GNAZ: variants seen among roughly 807,000 people sequenced by gnomAD.
GNAZ encodes the protein G protein subunit alpha z.
Under a neutral mutation model 25.4 loss-of-function variants are expected in GNAZ, and 3 were observed. That is an observed-to-expected ratio of 0.12 (90% CI 0.05 to 0.30). The LOEUF (loss-of-function observed/expected upper bound fraction) is 0.30, where lower values mean the gene tolerates loss of function less well. GNAZ is among the 10% of genes least tolerant of loss of function. The pLI is 1.00. For synonymous variants in GNAZ, 211 were observed against 205.7 expected, an observed-to-expected ratio of 1.03 and a Z score of -0.22; for missense variants, 241 against 501.8, an observed-to-expected ratio of 0.48 and a Z score of 4.97.
rs1343051553 is a variant in GNAZ, at chr22:23,123,468, C to A, written c.*37C>A. Reference sequence around the variant, plus strand: ...CGGGGCCCGCCTGCCTATGGTGAAACCCACGGGGTGTCATGCCCCAACGCG... The same window carrying A: ...CGGGGCCCGCCTGCCTATGGTGAAAACCACGGGGTGTCATGCCCCAACGCG... On this transcript the variant is annotated 3_prime_UTR_variant, in exon 3 of 3. Transcript: ENST00000615612. The A allele has an allele frequency of 7.1e-7, 1 of 1,413,058 alleles. No individual in the cohort carries two copies. The highest frequency in any genetic ancestry group is 1.4e-5 in the African/African-American group (1 of 70,846). 87.5% of individuals were successfully genotyped at this position (1,413,058 alleles called of 1,614,324 possible).
At chr22:23,098,215 C>T (rs538047946) in intron 2 of GNAZ, among the ~76,000 whole-genome samples, 108 of 152,384 alleles carry the variant, frequency 7.1e-4, no homozygotes, top group Non-Finnish European at 1.1e-3. Context: ...TCCAGCAGTA[C>T]TGCTCTGTCC....
intron 2 of GNAZ, among the ~76,000 whole-genome samples, chr22:23,110,070 A>T (rs957197156): frequency 1.6e-4 from 24 of 152,222 alleles, no homozygotes; most frequent in Middle Eastern, 3.2e-3. Flanking sequence ...GACCCTGGTC[A>T]TCCAGCTCTG....
chr22:23,089,512 TGGA>T (rs1399367167), intron 1 of GNAZ, among the ~76,000 whole-genome samples: 1 of 151,584 alleles, frequency 6.6e-6, no homozygotes, highest in Non-Finnish European at 1.5e-5. Context: ...GTTCCTAGAG[TGGA>T]GGGCATCCAG....
At chr22:23,082,907 C>T (rs1412012461) in intron 1 of GNAZ, among the ~76,000 whole-genome samples, 1 of 152,108 alleles carries the variant, frequency 6.6e-6, no homozygotes, top group Non-Finnish European at 1.5e-5. Flanking sequence ...TCCCCCCAAA[C>T]CTTGCCCCCA....
chr22:23,077,421 A>G (rs2068536030), intron 1 of GNAZ, among the ~76,000 whole-genome samples: 1 of 152,166 alleles, frequency 6.6e-6, no homozygotes, highest in African/African-American at 2.4e-5. Flanking sequence ...TAAGTGAATG[A>G]GTGGTAGAGA....
chr22:23,089,717 T>C (rs1451893767), intron 1 of GNAZ, among the ~76,000 whole-genome samples: 1 of 152,120 alleles, frequency 6.6e-6, no homozygotes, highest in Non-Finnish European at 1.5e-5. Flanking sequence ...GGGATGTCCA[T>C]GTGTGGGCTG....
rs1007652228 is a variant in GNAZ at position 23,124,441 on chromosome 22, C to T, written c.*1010C>T. ...GAGTGGCAGTCCTGCGCCAGCCTCG[C>T]GGGACACGTGTTGTACATAAGCCTC... On this transcript the variant is annotated 3_prime_UTR_variant, in exon 3 of 3. Transcript: ENST00000615612. The T allele has an allele frequency of 8.5e-6, 4 of 468,956 alleles. No homozygotes were observed. The highest frequency in any genetic ancestry group is 1.8e-5 in the Non-Finnish European group (4 of 225,852). The allele number at this position is 468,956 out of a possible 1,614,324, so 29.0% of individuals were successfully genotyped here. A position where few individuals can be genotyped will look rare whatever the true frequency, so the allele number is the denominator to read the frequency against.
chr22:23,083,358 G>A (rs1212499388), intron 1 of GNAZ, among the ~76,000 whole-genome samples: 1 of 152,144 alleles, frequency 6.6e-6, no homozygotes, highest in African/African-American at 2.4e-5. Flanking sequence ...TGGGTCAGCA[G>A]CGACCTCAGG....
intron 1 of GNAZ, among the ~76,000 whole-genome samples, chr22:23,094,529 C>T (rs943456371): frequency 3.3e-5 from 5 of 152,200 alleles, no homozygotes; most frequent in African/African-American, 9.6e-5. Context: ...TGGATTTCCC[C>T]GCAGCACCAC....
At chr22:23,092,064 C>A (rs2068996139) in intron 1 of GNAZ, among the ~76,000 whole-genome samples, 1 of 152,178 alleles carries the variant, frequency 6.6e-6, no homozygotes, top group South Asian at 2.1e-4. Flanking sequence ...GGTGGGGGGT[C>A]CTGGGTGTTG....
In GNAZ at chr22:23,096,392, C is replaced by G. The variant is rs199896240; in HGVS notation, c.697C>G (p.Leu233Val). Residue 233 changes from leucine to valine, a missense_variant, in exon 2 of 3, where the codon CTG (leucine) becomes GTG (valine). Coordinates refer to ENST00000615612, the MANE Select transcript of GNAZ (RefSeq NM_002073.4). ...IFCVELSGYD[L>V]KLYEDNQTSR... ...CTGTGTGGAGCTCAGCGGCTACGAC[C>G]TGAAACTCTACGAGGATAACCAGAC... is the stretch of plus-strand genomic sequence containing the variant. 1.2e-6 allele frequency: 2 copies of G among 1,610,624 alleles called. No homozygotes were observed. The highest frequency in any genetic ancestry group is 1.7e-6 in the Non-Finnish European group (2 of 1,179,384).
At chr22:23,091,598 ACCTAT>A (rs2068980231) in intron 1 of GNAZ, among the ~76,000 whole-genome samples, 1 of 151,100 alleles carries the variant, frequency 6.6e-6, no homozygotes, top group South Asian at 2.1e-4. Context: ...ACACACAGGC[ACCTAT>A]GCATACACGC....
At chr22:23,089,062 A>C (rs1003466176) in intron 1 of GNAZ, among the ~76,000 whole-genome samples, 10 of 152,188 alleles carry the variant, frequency 6.6e-5, no homozygotes, top group Non-Finnish European at 1.5e-4. Context: ...GCCCAAGCTC[A>C]GCATGGGGCA....
intron 2 of GNAZ, among the ~76,000 whole-genome samples, chr22:23,109,236 C>A (rs541312214): frequency 6.6e-6 from 1 of 152,310 alleles, no homozygotes; most frequent in South Asian, 2.1e-4. Context: ...AGAACCAAGG[C>A]AGCCCAAGTG....
At chr22:23,104,273 G>C (rs924623107) in intron 2 of GNAZ, among the ~76,000 whole-genome samples, 8 of 152,212 alleles carry the variant, frequency 5.3e-5, no homozygotes, top group African/African-American at 1.9e-4. Context: ...CCAGTCCCCA[G>C]TGTGGCCCAG....
intron 2 of GNAZ, among the ~76,000 whole-genome samples, chr22:23,109,901 G>A (rs56262723): frequency 0.044 from 6,719 of 152,280 alleles, 498 homozygotes; most frequent in African/African-American, 0.15. Context: ...GAGGCTGGCC[G>A]TCAGCACCAT....
chr22:23,080,172 GATTT>G (rs1166654667), intron 1 of GNAZ, among the ~76,000 whole-genome samples: 1 of 152,180 alleles, frequency 6.6e-6, no homozygotes, highest in Non-Finnish European at 1.5e-5. Context: ...TTTGCATATT[GATTT>G]ATTTATTTAC....
chr22:23,123,418 T>C lies in GNAZ; in HGVS notation c.1055T>C (p.Ile352Thr). The C allele has an allele frequency of 6.2e-7, 1 of 1,611,424 alleles. No individual in the cohort carries two copies. Among genetic ancestry groups the C allele is most frequent in the Non-Finnish European group, 8.5e-7 (1 of 1,177,934 alleles). Residue 352 changes from isoleucine to threonine, a missense_variant, in exon 3 of 3, where the codon ATT (isoleucine) becomes ACT (threonine). By Grantham distance (89) the Ile-to-Thr change is moderately conservative (BLOSUM62 -1). Coordinates refer to ENST00000615612, the MANE Select transcript of GNAZ (RefSeq NM_002073.4). ...DVIIQNNLKY[I>T]GLC ...ATCATACAGAACAATCTCAAGTACATTGGCCTTTGCTGAGGAGCTGGGCCC... is the reference window on the plus strand; with the variant it reads ...ATCATACAGAACAATCTCAAGTACACTGGCCTTTGCTGAGGAGCTGGGCCC...
chr22:23,078,926 C>A (rs2068589608), intron 1 of GNAZ, among the ~76,000 whole-genome samples: 1 of 152,178 alleles, frequency 6.6e-6, no homozygotes, highest in South Asian at 2.1e-4. Context: ...TGTGCGTCTA[C>A]CCGTGTCCAC....
Sources: allele counts gnomAD v4.1 joint callset (sites outside exome capture counted in the v4.1 genomes callset), GRCh38; gene constraint gnomAD v4.1.1; transcripts MANE v1.5; gene names NCBI Gene and HGNC (gene_info 2026-07-23, HGNC 2026-07-21).